XKR9: variants seen among roughly 807,000 people sequenced by gnomAD.
XKR9 encodes XK related 9, also known as XK-related protein 9.
Under a neutral mutation model 32.0 loss-of-function variants are expected in XKR9, and 32 were observed. That is an observed-to-expected ratio of 1.00 (90% CI 0.76 to 1.34). The LOEUF (loss-of-function observed/expected upper bound fraction) is 1.34. XKR9 is among the 40% of genes most tolerant of loss of function. The probability of loss-of-function intolerance (pLI) is 0.00; values close to 1 mark genes in which losing one functional copy is unlikely to be tolerated. For synonymous variants in XKR9, 168 were observed against 143.4 expected (o/e 1.17, Z -1.22); for missense variants, 546 against 429.7 (o/e 1.27, Z -2.39).
At chr8:70,856,622 C>A in the XKR9 span, among the ~76,000 whole-genome samples, 3 of 152,116 alleles carry the variant, frequency 2.0e-5, no homozygotes, top group Non-Finnish European at 4.4e-5. Flanking sequence ...ACCAAGCGGA[C>A]CTAATAGACA....
chr8:70,731,909 T>G (rs1806679542), intron 4 of XKR9, among the ~76,000 whole-genome samples: 2 of 152,158 alleles, frequency 1.3e-5, no homozygotes, highest in Admixed American at 1.3e-4. Flanking sequence ...CAAATCAGAT[T>G]CCTAATCAAG....
At chr8:70,669,575 G>A (rs1818624211) in intron 1 of XKR9, 37 bp downstream of exon 1, 1 of 194,594 alleles carries the variant, frequency 5.1e-6, no homozygotes, top group African/African-American at 2.4e-5. Flanking sequence ...ATAAATGTCA[G>A]GAAGGATTGC....
intron 4 of XKR9, among the ~76,000 whole-genome samples, chr8:70,720,887 C>T (rs1806256249): frequency 6.6e-6 from 1 of 152,220 alleles, no homozygotes; most frequent in African/African-American, 2.4e-5. Context: ...ACCAGCTCCT[C>T]TTTGTACCTC....
the XKR9 span, among the ~76,000 whole-genome samples, chr8:70,813,449 A>G: frequency 6.6e-6 from 1 of 152,226 alleles, no homozygotes; most frequent in Non-Finnish European, 1.5e-5. Flanking sequence ...ACATGATGCA[A>G]TTAAACTAAA....
At chr8:70,944,709 A>G in the XKR9 span, among the ~76,000 whole-genome samples, 3,918 of 152,324 alleles carry the variant, frequency 0.026, 62 homozygotes, top group Middle Eastern at 0.048. Context: ...AAAAGACACA[A>G]TCAGAACATT....
At chr8:70,757,681 G>A (rs1586886111) in intron 2 of XKR9, among the ~76,000 whole-genome samples, 1 of 152,270 alleles carries the variant, frequency 6.6e-6, no homozygotes, top group East Asian at 1.9e-4. Flanking sequence ...CTGCCTCTGG[G>A]TTCAAGTGAT....
At chr8:71,035,118 T>C in the XKR9 span, among the ~76,000 whole-genome samples, 1 of 152,166 alleles carries the variant, frequency 6.6e-6, no homozygotes, top group Non-Finnish European at 1.5e-5. Context: ...TTATAAATGG[T>C]TTTGATATGA....
At chr8:70,861,488 C>A in the XKR9 span, among the ~76,000 whole-genome samples, 4 of 146,666 alleles carry the variant, frequency 2.7e-5, no homozygotes, top group Non-Finnish European at 3.0e-5. Flanking sequence ...TTGTGTCTAT[C>A]AAAAAAAAAA....
At chr8:70,741,173 G>T (rs548184179) in intron 2 of XKR9, among the ~76,000 whole-genome samples, 1 of 152,378 alleles carries the variant, frequency 6.6e-6, no homozygotes, top group Non-Finnish European at 1.5e-5. Context: ...CTGGGCAATG[G>T]TGGGTGTAGG....
intron 4 of XKR9, among the ~76,000 whole-genome samples, chr8:70,719,085 T>C (rs1441462214): frequency 6.6e-6 from 1 of 152,214 alleles, no homozygotes; most frequent in Non-Finnish European, 1.5e-5. Flanking sequence ...GAGTTTTTTT[T>C]CATATGTTTG....
the XKR9 span, among the ~76,000 whole-genome samples, chr8:70,898,982 T>C: frequency 2.0e-5 from 3 of 152,168 alleles, no homozygotes; most frequent in African/African-American, 4.8e-5. Flanking sequence ...GGTGCAATCA[T>C]AGCTCACTGC....
the XKR9 span, among the ~76,000 whole-genome samples, chr8:70,947,749 T>C: frequency 8.5e-5 from 13 of 152,240 alleles, no homozygotes; most frequent in African/African-American, 3.1e-4. Context: ...CTTGTAGACA[T>C]AGCCATTTGG....
At chr8:70,876,323 G>A in the XKR9 span, among the ~76,000 whole-genome samples, 1 of 149,126 alleles carries the variant, frequency 6.7e-6, no homozygotes, top group East Asian at 2.0e-4. Context: ...CTAGGTTCAA[G>A]CAATTCTCCT....
At chr8:71,056,879 G>T in the XKR9 span, among the ~76,000 whole-genome samples, 1 of 151,990 alleles carries the variant, frequency 6.6e-6, no homozygotes. Context: ...AAATTGAGAG[G>T]ATTTCCCCAA....
the XKR9 span, among the ~76,000 whole-genome samples, chr8:70,845,422 C>A: frequency 1.3e-5 from 2 of 152,096 alleles, no homozygotes; most frequent in Non-Finnish European, 2.9e-5. Flanking sequence ...CACAATAATT[C>A]TCTGCAAAGG....
the XKR9 span, among the ~76,000 whole-genome samples, chr8:70,928,237 G>T: frequency 3.3e-5 from 5 of 152,160 alleles, no homozygotes; most frequent in African/African-American, 1.2e-4. Flanking sequence ...TAGAGATGGG[G>T]TCTTGCTCTG....
At chr8:71,059,355 G>A in the XKR9 span, among the ~76,000 whole-genome samples, 4 of 152,230 alleles carry the variant, frequency 2.6e-5, no homozygotes, top group African/African-American at 9.6e-5. Context: ...TTTGCCAGAA[G>A]TGTAAAGAAG....
chr8:70,773,287 G>A (rs574965704), intron 2 of XKR9, among the ~76,000 whole-genome samples: 2 of 152,310 alleles, frequency 1.3e-5, no homozygotes, highest in South Asian at 4.1e-4. Context: ...ATGCAGGGAA[G>A]CAGGCCTATG....
At chr8:70,861,977 A>G in the XKR9 span, among the ~76,000 whole-genome samples, 10 of 152,254 alleles carry the variant, frequency 6.6e-5, no homozygotes, top group East Asian at 1.9e-3. Context: ...TTTTACTGAA[A>G]TACTGTGTTG....
Sources: gnomAD v4.1 joint callset for allele counts (sites outside exome capture counted in the v4.1 genomes callset) on GRCh38, gnomAD v4.1.1 for gene constraint, MANE v1.5 for transcripts, NCBI Gene and HGNC (gene_info 2026-07-23, HGNC 2026-07-21) for gene names.